Variants in ATP13A5 observed in about 807,000 individuals in gnomAD.
ATP13A5 encodes the protein probable cation-transporting ATPase 13A5.
Under a neutral mutation model 150.2 loss-of-function variants are expected in ATP13A5, and 149 were observed. The observed-to-expected ratio is 0.99, with a 90% confidence interval of 0.87 to 1.14. The LOEUF (loss-of-function observed/expected upper bound fraction) is 1.14, where lower values mean the gene tolerates loss of function less well. Among genes scored for constraint, ATP13A5 ranks in the 50% most tolerant of loss-of-function variants. The pLI is 0.00. For synonymous variants in ATP13A5, 497 were observed against 522.2 expected, an observed-to-expected ratio of 0.95 and a Z score of 0.66; for missense variants, 1,383 against 1,449.3, an observed-to-expected ratio of 0.95 and a Z score of 0.74.
At chr3:193,315,148 A>G (rs766219089) in intron 17 of ATP13A5, 52 bp from the exon 18 acceptor site, 5 of 1,527,196 alleles carry the variant, frequency 3.3e-6, no homozygotes, top group Non-Finnish European at 4.4e-6. Flanking sequence ...TAGGCTCCAT[A>G]GTTCAATTTA....
chr3:193,330,786 A>G (rs1711600486), intron 12 of ATP13A5, among the ~76,000 whole-genome samples: 1 of 152,268 alleles, frequency 6.6e-6, no homozygotes, highest in South Asian at 2.1e-4. Flanking sequence ...AAAACATTTC[A>G]GGAAACAGAA....
At chr3:193,301,341 A>G in intron 23 of ATP13A5, 34 bp from the exon 24 acceptor site, 1 of 1,540,402 alleles carries the variant, frequency 6.5e-7, no homozygotes, top group Non-Finnish European at 8.9e-7. Context: ...AAAATTGGTT[A>G]TGTATGATAA....
In ATP13A5 at chr3:193,364,272, A is replaced by T; in HGVS notation, c.72T>A (p.Phe24Leu). ...NQGEEDELEV[F>L]GYRDHNVRKA... The stretch of plus-strand genomic sequence containing the variant: ...TCCGTACATTGTGGTCCCGGTAACC[A>T]AACACCTCCTGGAGAATAAATTTAA... Residue 24 changes from phenylalanine to leucine, a missense_variant, in exon 2 of 30, where the codon TTT (phenylalanine) becomes TTA (leucine). Around this residue, in one of 3 missense-constraint regions of ATP13A5, gnomAD observed 787 missense variants for 771.9 expected, o/e 1.02. Coordinates refer to ENST00000342358, the MANE Select transcript of ATP13A5 (RefSeq NM_198505.4). 1 of 1,613,002 alleles carries T rather than the reference A, an allele frequency of 6.2e-7. No homozygotes were observed. The highest frequency in any genetic ancestry group is 1.1e-5 in the South Asian group (1 of 90,852).
intron 3 of ATP13A5, 100 bp downstream of exon 3, chr3:193,363,136 C>G (rs1713102107): frequency 7.3e-7 from 1 of 1,367,144 alleles, no homozygotes; most frequent in South Asian, 1.4e-5. Flanking sequence ...GCTGTCATTC[C>G]CATTCCAAAA....
chr3:193,281,759 A>C (rs1218345469), intron 27 of ATP13A5, among the ~76,000 whole-genome samples: 2 of 152,172 alleles, frequency 1.3e-5, no homozygotes, highest in Non-Finnish European at 2.9e-5. Context: ...CCTGTATGCT[A>C]AAATGTAAAA....
intron 25 of ATP13A5, among the ~76,000 whole-genome samples, chr3:193,293,937 C>G (rs1378941756): frequency 6.6e-6 from 1 of 152,022 alleles, no homozygotes; most frequent in Non-Finnish European, 1.5e-5. Flanking sequence ...GAATGGCTGG[C>G]CTAAATGGAT....
At position 193,364,246 on chromosome 3, in the gene ATP13A5, T is replaced by A; in HGVS notation, c.98A>T (p.Lys33Ile). The change falls in exon 2 of 30, where the codon AAA becomes ATA. Residue 33 changes from lysine to isoleucine, a missense_variant. Physicochemically the swap from Lys to Ile is moderately radical, Grantham distance 102 (BLOSUM62 -3). This residue lies in a region of ATP13A5 where 787 missense variants were observed against 771.9 expected (regional missense o/e 1.02). Coordinates refer to ENST00000342358, the MANE Select transcript of ATP13A5 (RefSeq NM_198505.4). Reference sequence around the variant, plus strand: ...CACGGATGCGACAAGGCAGAAGGCTTTCCGTACATTGTGGTCCCGGTAACC... The same window carrying A: ...CACGGATGCGACAAGGCAGAAGGCTATCCGTACATTGTGGTCCCGGTAACC... The part of the protein sequence containing the change: ...VFGYRDHNVR[K>I]AFCLVASVLT... 1.2e-6 allele frequency: 2 copies of A among 1,614,024 alleles called. No individual in the cohort carries two copies. The highest frequency in any genetic ancestry group is 1.7e-6 in the Non-Finnish European group (2 of 1,179,912).
At chr3:193,281,104 G>T (rs1254121025) in intron 27 of ATP13A5, 1 of 782,104 alleles carries the variant, frequency 1.3e-6, no homozygotes, top group African/African-American at 1.9e-5. Flanking sequence ...AGAAAAGTAG[G>T]AATTGCATCT....
At chr3:193,294,471 C>T in intron 25 of ATP13A5, among the ~76,000 whole-genome samples, 1 of 152,034 alleles carries the variant, frequency 6.6e-6, no homozygotes. Flanking sequence ...GATCAACATC[C>T]CTCCTCACTT....
chr3:193,358,608 A>G (rs1373092982), intron 5 of ATP13A5, among the ~76,000 whole-genome samples: 1 of 152,198 alleles, frequency 6.6e-6, no homozygotes, highest in East Asian at 1.9e-4. Context: ...CATGAAAGTT[A>G]TTTTAGTTTT....
At chr3:193,345,968 T>C (rs1462090281) in intron 7 of ATP13A5, among the ~76,000 whole-genome samples, 1 of 152,084 alleles carries the variant, frequency 6.6e-6, no homozygotes, top group African/African-American at 2.4e-5. Context: ...TCTGATTGCA[T>C]GTGGGACAGC....
rs558544897 is a variant in ATP13A5 at position 193,289,471 on chromosome 3, A to G, written c.3023+414T>C. On this transcript the variant is annotated intron_variant, in intron 26 of 29. Transcript: ENST00000342358. Reference sequence around the variant, plus strand: ...TTTGTAGATAATGTTTTATTAGAATACAGCCACACCCACTTGTTTACCTAT... The same window carrying G: ...TTTGTAGATAATGTTTTATTAGAATGCAGCCACACCCACTTGTTTACCTAT... 7.9e-5 allele frequency among the ~76,000 whole-genome samples: 12 copies of G among 152,262 alleles called. No individual in the cohort carries two copies. The East Asian group carries it at 2.3e-3, about 29-fold the overall frequency.
chr3:193,277,976 A>T (rs1254507915), intron 28 of ATP13A5, among the ~76,000 whole-genome samples: 2 of 152,084 alleles, frequency 1.3e-5, no homozygotes, highest in Non-Finnish European at 2.9e-5. Context: ...GCTAATTTTT[A>T]TATTTTTAGT....
At chr3:193,374,609 C>G (rs1713573226) in intron 1 of ATP13A5, among the ~76,000 whole-genome samples, 1 of 149,394 alleles carries the variant, frequency 6.7e-6, no homozygotes, top group Non-Finnish European at 1.5e-5. Flanking sequence ...CACACCACTG[C>G]ACTCCAGCCT....
At chr3:193,362,346 C>G in intron 5 of ATP13A5, 35 bp downstream of exon 5, 1 of 1,565,948 alleles carries the variant, frequency 6.4e-7, no homozygotes, top group Non-Finnish European at 8.8e-7. Flanking sequence ...TTTCTGCTGG[C>G]AGAGTTTACT....
Position 193,299,118 on chromosome 3 carries a change from C to G in ATP13A5, c.2848+13G>C. ...AATAAAAACAATATAGTTTTCTTTGCTAAAGAGCTTACTTGTTAAACAGAC... is the reference window on the plus strand; with the variant it reads ...AATAAAAACAATATAGTTTTCTTTGGTAAAGAGCTTACTTGTTAAACAGAC... On this transcript the variant is annotated intron_variant, in intron 25 of 29. Transcript: ENST00000342358. 6.3e-7 allele frequency: 1 copy of G among 1,580,284 alleles called. No individual in the cohort carries two copies.
chr3:193,328,103 G>T (rs918055587), intron 12 of ATP13A5, among the ~76,000 whole-genome samples: 2 of 152,232 alleles, frequency 1.3e-5, no homozygotes, highest in Non-Finnish European at 2.9e-5. Context: ...GTGGAGGCAG[G>T]TTAGAGGTGA....
chr3:193,279,075 G>C lies in ATP13A5; in HGVS notation c.3315+291C>G, dbSNP rs898077755. Among the ~76,000 whole-genome samples, 24 of 151,946 alleles carry C rather than the reference G, an allele frequency of 1.6e-4. 2 individuals carry two copies. The highest frequency in any genetic ancestry group is 9.2e-4 in the Admixed American group (14 of 15,262). On this transcript the variant is annotated intron_variant, in intron 28 of 29. Coordinates refer to ENST00000342358, the MANE Select transcript of ATP13A5 (RefSeq NM_198505.4). Reference sequence around the variant, plus strand: ...TGAAAATTGTACTTGGAAAATTATTGTATTATTGCATTAATTTTATTGTAT... The same window carrying C: ...TGAAAATTGTACTTGGAAAATTATTCTATTATTGCATTAATTTTATTGTAT...
At chr3:193,276,901 T>G (rs953807888) in intron 28 of ATP13A5, 71 bp from the exon 29 acceptor site, 166 of 1,121,674 alleles carry the variant, frequency 1.5e-4, no homozygotes, top group Non-Finnish European at 3.0e-5. Context: ...TATTAATTAT[T>G]TAATTTATAG....
Sources: allele counts gnomAD v4.1 joint callset (sites outside exome capture counted in the v4.1 genomes callset), GRCh38; gene constraint gnomAD v4.1.1; regional missense constraint gnomAD v4.1.1; transcripts MANE v1.5; gene names NCBI Gene and HGNC (gene_info 2026-07-23, HGNC 2026-07-21).